SLC24A2: variants seen among roughly 807,000 people sequenced by gnomAD.
SLC24A2 encodes the protein solute carrier family 24 member 2.
A neutral mutation model predicts 62.0 loss-of-function variants in SLC24A2; 36 were observed. The ratio of observed to expected loss-of-function variants is 0.58; its 90% CI spans 0.44 to 0.77. The LOEUF is 0.77. SLC24A2 is among the 30% of genes least tolerant of loss of function. The pLI, the probability that SLC24A2 is intolerant of heterozygous loss-of-function variation, is 0.00. For missense variants in SLC24A2, 846 were observed against 817.9 expected (o/e 1.03, Z -0.42); for synonymous variants, 358 against 294.0 (o/e 1.22, Z -2.23).
At chr9:19,662,446 C>T (rs933802345) in intron 2 of SLC24A2, among the ~76,000 whole-genome samples, 1 of 152,168 alleles carries the variant, frequency 6.6e-6, no homozygotes, top group Non-Finnish European at 1.5e-5. Flanking sequence ...GACTCAAATA[C>T]TTGTTGCTTT....
chr9:19,850,963 ATATGTATATATATATATATATG>A, the SLC24A2 span, among the ~76,000 whole-genome samples: 100 of 22,980 alleles, frequency 4.4e-3, 5 homozygotes, highest in African/African-American at 7.6e-3. Context: ...ATATATATAT[ATATGTATATATATATATATATG>A]TATATATATA....
At chr9:19,603,346 A>G (rs1225547499) in intron 4 of SLC24A2, among the ~76,000 whole-genome samples, 1 of 152,176 alleles carries the variant, frequency 6.6e-6, no homozygotes, top group Non-Finnish European at 1.5e-5. Context: ...CACATTTATT[A>G]CCCACTCTTA....
chr9:20,172,223 C>G, the SLC24A2 span, among the ~76,000 whole-genome samples: 1 of 151,990 alleles, frequency 6.6e-6, no homozygotes, highest in Non-Finnish European at 1.5e-5. Context: ...GAGGAAAGTT[C>G]ATAGCCCTAA....
chr9:20,266,191 G>A, the SLC24A2 span, among the ~76,000 whole-genome samples: 20,725 of 151,944 alleles, frequency 0.14, 1,473 homozygotes, highest in Middle Eastern at 0.22. Context: ...CACCCTATTC[G>A]TACACTCCCT....
chr9:20,129,094 A>T, the SLC24A2 span, among the ~76,000 whole-genome samples: 3 of 152,138 alleles, frequency 2.0e-5, no homozygotes, highest in Non-Finnish European at 4.4e-5. Flanking sequence ...AACAGCAAAA[A>T]AAACCAATCA....
the SLC24A2 span, among the ~76,000 whole-genome samples, chr9:19,870,947 A>G: frequency 6.6e-6 from 1 of 152,014 alleles, no homozygotes; most frequent in African/African-American, 2.4e-5. Flanking sequence ...ATTTTTTCCC[A>G]TCCTCTGGGT....
At chr9:19,707,285 G>A (rs1820559726) in intron 2 of SLC24A2, among the ~76,000 whole-genome samples, 1 of 152,140 alleles carries the variant, frequency 6.6e-6, no homozygotes, top group Non-Finnish European at 1.5e-5. Context: ...ACCAAAAAAA[G>A]TCCAGGACCA....
intron 2 of SLC24A2, among the ~76,000 whole-genome samples, chr9:19,709,405 G>A (rs576660076): frequency 2.6e-5 from 4 of 152,160 alleles, no homozygotes; most frequent in Non-Finnish European, 4.4e-5. Flanking sequence ...CCATTACTGG[G>A]TATATACCCA....
chr9:20,275,957 T>C, the SLC24A2 span, among the ~76,000 whole-genome samples: 3 of 152,008 alleles, frequency 2.0e-5, no homozygotes, highest in African/African-American at 7.2e-5. Context: ...ATGATACAAT[T>C]ACCTCCTACC....
intron 8 of SLC24A2, among the ~76,000 whole-genome samples, chr9:19,548,379 G>A (rs1162123734): frequency 1.3e-5 from 2 of 152,066 alleles, no homozygotes; most frequent in Non-Finnish European, 2.9e-5. Context: ...TCTAGGAAAT[G>A]ACCAGGTATA....
chr9:19,923,137 C>T, the SLC24A2 span, among the ~76,000 whole-genome samples: 2 of 151,982 alleles, frequency 1.3e-5, no homozygotes, highest in African/African-American at 2.4e-5. Context: ...GATAAATTGG[C>T]ATGGCTGGCA....
intron 8 of SLC24A2, among the ~76,000 whole-genome samples, chr9:19,539,192 G>T (rs1305841473): frequency 4.3e-5 from 3 of 69,788 alleles, no homozygotes; most frequent in Non-Finnish European, 8.5e-5. Context: ...GGTTTTTTGT[G>T]TCTCTATTTC....
chr9:20,045,939 C>T, the SLC24A2 span, among the ~76,000 whole-genome samples: 2 of 152,114 alleles, frequency 1.3e-5, no homozygotes, highest in Non-Finnish European at 2.9e-5. Context: ...CCACACTCCC[C>T]ACATATGGAG....
chr9:19,789,332 A>T (rs1262902755), upstream of SLC24A2, among the ~76,000 whole-genome samples: 1 of 152,220 alleles, frequency 6.6e-6, no homozygotes, highest in Non-Finnish European at 1.5e-5. Context: ...CTTTGGGGTC[A>T]TCTTATGCTG....
At chr9:20,203,470 G>T in the SLC24A2 span, among the ~76,000 whole-genome samples, 68 of 152,300 alleles carry the variant, frequency 4.5e-4, 1 homozygote, top group Non-Finnish European at 7.8e-4. Flanking sequence ...AGCCGCTTAA[G>T]CTCTCAGGAC....
chr9:20,179,864 T>G, the SLC24A2 span, among the ~76,000 whole-genome samples: 2 of 152,122 alleles, frequency 1.3e-5, no homozygotes, highest in African/African-American at 4.8e-5. Flanking sequence ...TTGCTAAAAA[T>G]TATTGAACAG....
At chr9:20,019,115 A>G in the SLC24A2 span, among the ~76,000 whole-genome samples, 105 of 36,246 alleles carry the variant, frequency 2.9e-3, no homozygotes, top group East Asian at 0.024. Context: ...GAAAGAAAGA[A>G]AGAAAGAAAG....
chr9:19,938,541 G>C, the SLC24A2 span, among the ~76,000 whole-genome samples: 1 of 152,112 alleles, frequency 6.6e-6, no homozygotes, highest in Non-Finnish European at 1.5e-5. Flanking sequence ...CTCTGGAATA[G>C]TCTCCTTCTG....
chr9:19,789,769 A>G (rs990414185), upstream of SLC24A2, among the ~76,000 whole-genome samples: 6 of 152,180 alleles, frequency 3.9e-5, no homozygotes, highest in Non-Finnish European at 8.8e-5. Context: ...ATTGGTAGTG[A>G]GGGAACCCCT....
Sources: gnomAD v4.1 joint callset for allele counts (sites outside exome capture counted in the v4.1 genomes callset) on GRCh38, gnomAD v4.1.1 for gene constraint, MANE v1.5 for transcripts, NCBI Gene and HGNC (gene_info 2026-07-23, HGNC 2026-07-21) for gene names.